The following CAMK1D variants were observed in gnomAD, a reference collection of about 807,000 sequenced individuals.
CAMK1D encodes calcium/calmodulin dependent protein kinase ID.
In CAMK1D, 9 loss-of-function variants were observed where a neutral mutation model predicts 47.7. The ratio of observed to expected loss-of-function variants is 0.19; its 90% CI spans 0.11 to 0.33. CAMK1D has a LOEUF of 0.33. CAMK1D is among the 10% of genes least tolerant of loss of function. The pLI is 1.00. For synonymous variants in CAMK1D, 184 were observed against 184.9 expected (o/e 0.99, Z 0.04); for missense variants, 291 against 488.7 (o/e 0.60, Z 3.81).
intron 2 of CAMK1D, among the ~76,000 whole-genome samples, chr10:12,563,700 G>GAGAGAGAGGGAGAGAGAGAGAGA (rs1564414542): frequency 1.2e-5 from 1 of 85,178 alleles, no homozygotes; most frequent in African/African-American, 4.5e-5. Flanking sequence ...AGAGAGAGAG[G>GAGAGAGAGGGAGAGAGAGAGAGA]GAGAGAGAGG....
At chr10:12,766,289 C>CGTG (rs1474117501) in intron 4 of CAMK1D, among the ~76,000 whole-genome samples, 5 of 150,368 alleles carry the variant, frequency 3.3e-5, no homozygotes, top group African/African-American at 4.9e-5. Context: ...GGCCCCGTGC[C>CGTG]CTGCCATCCC....
At chr10:12,623,428 C>CTCTCTCCCTCT in intron 2 of CAMK1D, among the ~76,000 whole-genome samples, 1 of 10,500 alleles carries the variant, frequency 9.5e-5, no homozygotes, top group Non-Finnish European at 2.3e-4. Context: ...TTCCTTCCTC[C>CTCTCTCCCTCT]CTCCCTCCCT....
At chr10:12,570,407 A>G (rs545339701) in intron 2 of CAMK1D, among the ~76,000 whole-genome samples, 3 of 151,438 alleles carry the variant, frequency 2.0e-5, no homozygotes, top group East Asian at 2.0e-4. Context: ...GGCTGGGCGC[A>G]GTGGCTCACA....
intron 1 of CAMK1D, among the ~76,000 whole-genome samples, chr10:12,376,735 T>A (rs962222186): frequency 2.6e-5 from 4 of 151,442 alleles, no homozygotes; most frequent in Non-Finnish European, 5.9e-5. Context: ...ATGGCCTTAG[T>A]AACCATTTTT....
At chr10:12,673,369 A>G (rs1481158602) in intron 3 of CAMK1D, among the ~76,000 whole-genome samples, 1 of 152,108 alleles carries the variant, frequency 6.6e-6, no homozygotes, top group African/African-American at 2.4e-5. Flanking sequence ...GTCTTCATAT[A>G]CTTGTTCAAT....
chr10:12,424,569 T>G (rs1285617091), intron 1 of CAMK1D, among the ~76,000 whole-genome samples: 1 of 152,200 alleles, frequency 6.6e-6, no homozygotes, highest in East Asian at 1.9e-4. Flanking sequence ...CCTTCTATCT[T>G]GGCCCCAGTC....
chr10:12,439,333 T>C (rs536632164), intron 1 of CAMK1D, among the ~76,000 whole-genome samples: 218 of 152,362 alleles, frequency 1.4e-3, no homozygotes, highest in African/African-American at 5.0e-3. Flanking sequence ...GGGGCATTTA[T>C]TGACTGGAGG....
chr10:12,349,954 G>T, intron 1 of CAMK1D, 44 bp downstream of exon 1: 1 of 1,185,114 alleles, frequency 8.4e-7, no homozygotes, highest in Non-Finnish European at 1.2e-6. Context: ...GGCCGCGGCA[G>T]GGGCTGCACG....
intron 5 of CAMK1D, among the ~76,000 whole-genome samples, chr10:12,779,155 A>T (rs1401258816): frequency 2.0e-5 from 3 of 152,186 alleles, no homozygotes; most frequent in Non-Finnish European, 4.4e-5. Flanking sequence ...GTGGCTCCTC[A>T]GGATACCATG....
intron 1 of CAMK1D, among the ~76,000 whole-genome samples, chr10:12,434,457 C>T (rs758228502): frequency 1.3e-5 from 2 of 152,106 alleles, no homozygotes; most frequent in African/African-American, 2.4e-5. Context: ...TGACCAGGAA[C>T]GGGGCTGGAT....
intron 1 of CAMK1D, among the ~76,000 whole-genome samples, chr10:12,457,262 G>C (rs753049803): frequency 1.3e-5 from 2 of 151,920 alleles, no homozygotes; most frequent in African/African-American, 2.4e-5. Flanking sequence ...GTGGTGGCAC[G>C]TGCCTGTAAT....
At chr10:12,502,199 G>A (rs997865237) in intron 1 of CAMK1D, among the ~76,000 whole-genome samples, 10 of 152,204 alleles carry the variant, frequency 6.6e-5, no homozygotes, top group African/African-American at 9.7e-5. Flanking sequence ...ATCGCAGACC[G>A]TGGGCTGAGT....
chr10:12,515,680 G>T (rs1349861976), intron 1 of CAMK1D, among the ~76,000 whole-genome samples: 3 of 147,372 alleles, frequency 2.0e-5, no homozygotes, highest in Non-Finnish European at 3.0e-5. Flanking sequence ...CGCGATCTTG[G>T]CTCACTGCAA....
At chr10:12,575,643 G>C (rs1174020972) in intron 2 of CAMK1D, among the ~76,000 whole-genome samples, 2 of 152,156 alleles carry the variant, frequency 1.3e-5, no homozygotes, top group Admixed American at 1.3e-4. Context: ...TTAGAATGAG[G>C]AGGAAGTTAA....
chr10:12,816,433 A>T, intron 8 of CAMK1D, 105 bp downstream of exon 8: 1 of 892,240 alleles, frequency 1.1e-6, no homozygotes, highest in Non-Finnish European at 1.7e-6. Flanking sequence ...ACACAGGATT[A>T]TTACAAATTT....
chr10:12,521,467 G>C (rs2132191915), intron 1 of CAMK1D, among the ~76,000 whole-genome samples: 1 of 152,028 alleles, frequency 6.6e-6, no homozygotes, highest in Admixed American at 6.5e-5. Context: ...AACATACTTT[G>C]TGATTTTTTT....
intron 1 of CAMK1D, among the ~76,000 whole-genome samples, chr10:12,373,291 T>A (rs1287777912): frequency 6.7e-5 from 10 of 148,274 alleles, no homozygotes; most frequent in Non-Finnish European, 1.5e-4. Flanking sequence ...CCAGCCTGGG[T>A]GACAGAGGGA....
At position 12,829,149 on chromosome 10, in the gene CAMK1D, G is replaced by A. The variant is rs145140179; in HGVS notation, c.*262G>A. ...GAATCTTGCAAAGCTCTAACTGAAC[G>A]GACCTTCTTATTCCTCTCCCCTAAC... On this transcript the variant is annotated 3_prime_UTR_variant, in exon 11 of 11. Transcript: ENST00000619168. 24 of 378,436 alleles carry A rather than the reference G, an allele frequency of 6.3e-5. No individual in the cohort carries two copies. The highest frequency in any genetic ancestry group is 1.7e-4 in the African/African-American group (8 of 47,112). 23.4% of individuals were successfully genotyped at this position (378,436 alleles called of 1,614,324 possible).
At chr10:12,767,849 C>G (rs1235812952) in intron 4 of CAMK1D, among the ~76,000 whole-genome samples, 2 of 152,152 alleles carry the variant, frequency 1.3e-5, no homozygotes, top group Non-Finnish European at 2.9e-5. Context: ...CTCCCGTGAG[C>G]AGAGGGAGGA....
Sources: gnomAD v4.1 joint callset for allele counts (sites outside exome capture counted in the v4.1 genomes callset) on GRCh38, gnomAD v4.1.1 for gene constraint, MANE v1.5 for transcripts, NCBI Gene and HGNC (gene_info 2026-07-23, HGNC 2026-07-21) for gene names.